The following MEF2C variants were observed in gnomAD, a reference collection of about 807,000 sequenced individuals.
MEF2C encodes the protein myocyte-specific enhancer factor 2C.
A neutral mutation model predicts 50.5 loss-of-function variants in MEF2C; 6 were observed. That is an observed-to-expected ratio of 0.12 (90% CI 0.07 to 0.23). The LOEUF is 0.23. Among genes scored for constraint, MEF2C ranks in the 10% least tolerant of loss-of-function variants. MEF2C has a pLI of 1.00. For synonymous variants in MEF2C, 183 were observed against 228.0 expected, an observed-to-expected ratio of 0.80 and a Z score of 1.78; for missense variants, 276 against 605.0, an observed-to-expected ratio of 0.46 and a Z score of 5.70.
chr5:88,767,553 G>C (rs1350999500), intron 3 of MEF2C, among the ~76,000 whole-genome samples: 4 of 152,024 alleles, frequency 2.6e-5, no homozygotes, highest in African/African-American at 7.2e-5. Context: ...ATAAAAAGTT[G>C]AAAATATAAA....
Position 88,718,707 on chromosome 5 carries a change from T to C in MEF2C, c.*3897A>G, listed in dbSNP as rs1432633032. 1 of 152,204 alleles carries C rather than the reference T, an allele frequency of 6.6e-6. No individual in the cohort carries two copies. The highest frequency in any genetic ancestry group is 2.4e-5 in the African/African-American group (1 of 41,446). 9.4% of individuals were successfully genotyped at this position (152,204 alleles called of 1,614,324 possible). The stretch of plus-strand genomic sequence containing the variant: ...TGAATTAAACTGAGGTATGAATCAA[T>C]TTGAGGTATGAACAGGGAAGGCAAA... On this transcript the variant is annotated 3_prime_UTR_variant, in exon 11 of 11. Coordinates refer to ENST00000504921, the MANE Select transcript of MEF2C (RefSeq NM_002397.5).
chr5:88,725,078 C>T (rs1054269981), intron 10 of MEF2C, among the ~76,000 whole-genome samples: 8 of 151,986 alleles, frequency 5.3e-5, no homozygotes, highest in Admixed American at 3.3e-4. Flanking sequence ...ATAATATAAC[C>T]AAAATTCTGT....
At chr5:88,895,918 T>C (rs1003658358) in intron 1 of MEF2C, among the ~76,000 whole-genome samples, 2 of 152,198 alleles carry the variant, frequency 1.3e-5, no homozygotes, top group African/African-American at 4.8e-5. Context: ...TGAACCTCTC[T>C]TCAAAAGTTT....
At chr5:88,739,233 G>A (rs1310623263) in intron 6 of MEF2C, 1 of 981,630 alleles carries the variant, frequency 1.0e-6, no homozygotes, top group East Asian at 1.1e-4. Flanking sequence ...CTGATTTTGA[G>A]GGATTTGAAG....
chr5:88,835,674 G>C (rs1345239904), intron 1 of MEF2C, among the ~76,000 whole-genome samples: 1 of 151,826 alleles, frequency 6.6e-6, no homozygotes, highest in Non-Finnish European at 1.5e-5. Context: ...TTAGCCAGGT[G>C]TGGTGGTGGG....
At chr5:88,730,178 A>G (rs1336398190) in intron 8 of MEF2C, 33 bp downstream of exon 8, 7 of 1,572,232 alleles carry the variant, frequency 4.5e-6, no homozygotes, top group Non-Finnish European at 6.0e-6. Context: ...AGCTTTGCAC[A>G]TGCCATTTGA....
At chr5:88,898,563 C>T (rs1835337897) in intron 1 of MEF2C, among the ~76,000 whole-genome samples, 1 of 152,124 alleles carries the variant, frequency 6.6e-6, no homozygotes, top group Non-Finnish European at 1.5e-5. Context: ...GATTTTCAAT[C>T]AATGCAGATG....
intron 1 of MEF2C, among the ~76,000 whole-genome samples, chr5:88,893,827 A>G (rs1440593203): frequency 1.3e-5 from 2 of 152,192 alleles, no homozygotes; most frequent in Non-Finnish European, 2.9e-5. Flanking sequence ...GTAAAACTCA[A>G]TAAAACTTTT....
Position 88,864,767 on chromosome 5 carries a change from A to T in MEF2C, c.-143+18188T>A, listed in dbSNP as rs913392763. 1.7e-4 allele frequency among the ~76,000 whole-genome samples: 23 copies of T among 139,042 alleles called. No individual in the cohort carries two copies. The East Asian group carries it at 2.1e-3, about 13-fold the overall frequency. 91.2% of individuals were successfully genotyped at this position (139,042 alleles called of 152,430 possible). On this transcript the variant is annotated intron_variant, in intron 1 of 10. Coordinates refer to ENST00000504921, the MANE Select transcript of MEF2C (RefSeq NM_002397.5). ...CACACCATCACGCTTGTTTTTTCAA[A>T]TTTTTTTTTTTTTTTTTGAGATGGA...
chr5:88,882,707 G>C (rs1833304787), intron 1 of MEF2C, among the ~76,000 whole-genome samples: 1 of 152,174 alleles, frequency 6.6e-6, no homozygotes, highest in Admixed American at 6.5e-5. Flanking sequence ...ACACTGGTGT[G>C]ACAGGAACGA....
intron 1 of MEF2C, among the ~76,000 whole-genome samples, chr5:88,869,300 T>TATATATATATATATACAC (rs1828715247): frequency 4.0e-5 from 4 of 100,312 alleles, no homozygotes; most frequent in Non-Finnish European, 7.9e-5. Flanking sequence ...TATATACACA[T>TATATATATATATATACAC]ATATATATAT....
In MEF2C at chr5:88,737,015, TA is replaced by T. The variant is rs1764405565; in HGVS notation, c.638-5115del. ...CCTCTGCTGCAATTAGTGGCAGCGA[TA>T]ATACACAGAGTACTAGTTCTTTATA... On this transcript the variant is annotated intron_variant, in intron 6 of 10. Transcript: ENST00000504921. 4.1e-6 allele frequency: 4 copies of T among 985,080 alleles called. No homozygotes were observed. The Admixed American group carries it at 1.8e-4, about 45-fold the overall frequency. The allele number at this position is 985,080 out of a possible 1,614,324, so 61.0% of individuals were successfully genotyped here. A position where few individuals can be genotyped will look rare whatever the true frequency, so the allele number is the denominator to read the frequency against.
chr5:88,732,613 GAAGACTGA>G (rs1329886396), intron 6 of MEF2C: 1 of 152,230 alleles, frequency 6.6e-6, no homozygotes, highest in African/African-American at 2.4e-5. Context: ...CATTGAACTG[GAAGACTGA>G]AAGGGTTTTC....
intron 3 of MEF2C, among the ~76,000 whole-genome samples, chr5:88,797,961 T>G (rs1403735280): frequency 6.6e-6 from 1 of 152,256 alleles, no homozygotes; most frequent in Non-Finnish European, 1.5e-5. Context: ...TTAAGAATGT[T>G]GAATATTGGC....
At chr5:88,727,597 A>G (rs1759451055) in intron 10 of MEF2C, among the ~76,000 whole-genome samples, 1 of 152,186 alleles carries the variant, frequency 6.6e-6, no homozygotes, top group African/African-American at 2.4e-5. Context: ...TAACGATAAC[A>G]AATGGCTAAG....
intron 3 of MEF2C, chr5:88,771,415 C>T (rs992738281): frequency 1.0e-6 from 1 of 985,084 alleles, no homozygotes; most frequent in Non-Finnish European, 1.2e-6. Context: ...AATGCCCTCA[C>T]TTACTTGGTG....
chr5:88,892,267 T>A (rs1834673653), intron 1 of MEF2C: 1 of 152,178 alleles, frequency 6.6e-6, no homozygotes, highest in African/African-American at 2.4e-5. Context: ...GCCAATTGGC[T>A]GTATCACATG....
intron 1 of MEF2C, among the ~76,000 whole-genome samples, chr5:88,851,836 C>T (rs1821478627): frequency 6.6e-6 from 1 of 152,056 alleles, no homozygotes; most frequent in African/African-American, 2.4e-5. Context: ...GTATTTTCAG[C>T]ATCTCAAAGA....
chr5:88,812,962 T>C (rs1803539354), intron 2 of MEF2C, among the ~76,000 whole-genome samples: 1 of 152,184 alleles, frequency 6.6e-6, no homozygotes, highest in Non-Finnish European at 1.5e-5. Flanking sequence ...TCAGAAATTC[T>C]GATAAGTGCA....
Sources: allele counts gnomAD v4.1 joint callset (sites outside exome capture counted in the v4.1 genomes callset), GRCh38; gene constraint gnomAD v4.1.1; transcripts MANE v1.5; gene names NCBI Gene and HGNC (gene_info 2026-07-23, HGNC 2026-07-21).